Variants in LPIN2 observed in about 807,000 individuals in gnomAD.
LPIN2 encodes lipin 2.
A neutral mutation model predicts 111.4 loss-of-function variants in LPIN2; 55 were observed. The observed-to-expected ratio is 0.49, with a 90% CI of 0.40 to 0.62. The LOEUF is 0.62. Among genes scored for constraint, LPIN2 ranks in the 20% least tolerant of loss-of-function variants. LPIN2 has a pLI of 0.00. For missense variants in LPIN2, 992 were observed against 1,112.1 expected, an observed-to-expected ratio of 0.89 and a Z score of 1.54; for synonymous variants, 425 against 414.0, an observed-to-expected ratio of 1.03 and a Z score of -0.32.
At chr18:2,957,919 G>A (rs1456411449) in intron 2 of LPIN2, among the ~76,000 whole-genome samples, 1 of 151,868 alleles carries the variant, frequency 6.6e-6, no homozygotes, top group Non-Finnish European at 1.5e-5. Flanking sequence ...GGGAGGCCAA[G>A]GCGGGTGGAT....
intron 1 of LPIN2, among the ~76,000 whole-genome samples, chr18:2,972,565 A>G (rs896240628): frequency 2.6e-5 from 4 of 152,244 alleles, no homozygotes; most frequent in Non-Finnish European, 5.9e-5. Context: ...GTACCAGAAC[A>G]TTAATTTTCT....
At chr18:2,949,870 G>A (rs755973020) in intron 4 of LPIN2, among the ~76,000 whole-genome samples, 7 of 152,178 alleles carry the variant, frequency 4.6e-5, no homozygotes, top group Middle Eastern at 3.4e-3. Context: ...AGGCTGAGGC[G>A]GGAGAGTTGC....
intron 2 of LPIN2, among the ~76,000 whole-genome samples, chr18:2,956,313 T>G (rs200627665): frequency 5.9e-5 from 2 of 33,892 alleles, no homozygotes; most frequent in Non-Finnish European, 1.1e-4. Context: ...GATGCAGGGG[T>G]GTGTGTGTGT....
chr18:3,009,288 A>T (rs2078564970), intron 1 of LPIN2, among the ~76,000 whole-genome samples: 2 of 151,452 alleles, frequency 1.3e-5, no homozygotes, highest in Admixed American at 1.3e-4. Flanking sequence ...AGTCCCAGCT[A>T]CTCAGGAGGC....
chr18:2,990,801 A>C, intron 1 of LPIN2: 1 of 392,196 alleles, frequency 2.5e-6, no homozygotes, highest in Non-Finnish European at 5.1e-6. Flanking sequence ...TAAGGGTTGC[A>C]CTTCAACAAG....
Position 2,925,415 on chromosome 18 carries a change from T to C in LPIN2, c.1794-47A>G, listed in dbSNP as rs977036192. On this transcript the variant is annotated intron_variant, in intron 13 of 19. Transcript: ENST00000677752. The surrounding 1 kb of genome is among the most constrained non-coding windows in gnomAD (Gnocchi z 4.1). ...ACGGAAGAGGCAGCAGGGCATTTTA[T>C]TGATGAGAGCTTTTCATTTAGGATC... is the stretch of plus-strand genomic sequence containing the variant. 6.2e-7 allele frequency: 1 copy of C among 1,612,614 alleles called. No homozygotes were observed. The highest frequency in any genetic ancestry group is 8.5e-7 in the Non-Finnish European group (1 of 1,179,068).
chr18:2,952,797 T>C (rs778257330), intron 3 of LPIN2, among the ~76,000 whole-genome samples: 1 of 152,222 alleles, frequency 6.6e-6, no homozygotes, highest in African/African-American at 2.4e-5. Context: ...GAAGATAACC[T>C]GAACGCCTAC....
intron 1 of LPIN2, chr18:2,972,279 A>G (rs2077931469): frequency 1.3e-5 from 2 of 152,214 alleles, no homozygotes; most frequent in Admixed American, 6.5e-5. Flanking sequence ...ATGACAGCCA[A>G]GTAGATCATT....
intron 1 of LPIN2, among the ~76,000 whole-genome samples, chr18:2,975,347 T>G (rs900055432): frequency 4.6e-5 from 7 of 152,226 alleles, no homozygotes; most frequent in Admixed American, 3.9e-4. Context: ...TTAAGCCTTT[T>G]TTTTGAGATG....
At chr18:2,983,317 T>C (rs896003204) in intron 1 of LPIN2, among the ~76,000 whole-genome samples, 2 of 152,160 alleles carry the variant, frequency 1.3e-5, no homozygotes, top group African/African-American at 4.8e-5. Flanking sequence ...ACCCAAGGTA[T>C]TTTCACAATT....
chr18:2,967,388 T>C (rs2077823186), intron 1 of LPIN2, among the ~76,000 whole-genome samples: 1 of 152,070 alleles, frequency 6.6e-6, no homozygotes, highest in Non-Finnish European at 1.5e-5. Context: ...AATATGAATC[T>C]GGGGGGGATT....
intron 16 of LPIN2, among the ~76,000 whole-genome samples, chr18:2,922,694 G>A (rs536625777): frequency 5.8e-4 from 89 of 152,222 alleles, no homozygotes; most frequent in Non-Finnish European, 7.9e-4. Context: ...CATGGAAAAC[G>A]TGGGAAAAAA....
At chr18:3,007,985 T>C (rs1279856315) in intron 1 of LPIN2, among the ~76,000 whole-genome samples, 1 of 152,244 alleles carries the variant, frequency 6.6e-6, no homozygotes, top group East Asian at 1.9e-4. Flanking sequence ...CATAATGCAC[T>C]GAATAGATGA....
intron 12 of LPIN2, among the ~76,000 whole-genome samples, chr18:2,927,120 C>G (rs1394517536): frequency 6.6e-6 from 1 of 152,204 alleles, no homozygotes; most frequent in East Asian, 1.9e-4. Flanking sequence ...CTGGGAGTAA[C>G]TCACCACGTG....
chr18:2,967,690 C>T (rs1219940927), intron 1 of LPIN2: 1 of 152,244 alleles, frequency 6.6e-6, no homozygotes, highest in Non-Finnish European at 1.5e-5. Context: ...AGCAGGGCCA[C>T]AGACTCCCGA....
intron 1 of LPIN2, among the ~76,000 whole-genome samples, chr18:3,009,514 C>A (rs1221549179): frequency 6.6e-6 from 1 of 152,022 alleles, no homozygotes; most frequent in African/African-American, 2.4e-5. Flanking sequence ...TCTCGGCTCA[C>A]TGCAACTTCT....
chr18:2,986,341 T>C (rs1402211242), intron 1 of LPIN2, among the ~76,000 whole-genome samples: 1 of 152,174 alleles, frequency 6.6e-6, no homozygotes, highest in Non-Finnish European at 1.5e-5. Context: ...AGCTAGTGGC[T>C]GGCAATTTCA....
chr18:2,931,520 G>A (rs750964549), intron 8 of LPIN2, 77 bp from the exon 9 acceptor site: 77 of 1,423,850 alleles, frequency 5.4e-5, no homozygotes, highest in Non-Finnish European at 7.0e-5. Flanking sequence ...GGTTCTCTGG[G>A]GGCTCAAACC....
intron 10 of LPIN2, 128 bp downstream of exon 10, chr18:2,928,937 C>A: frequency 1.4e-6 from 1 of 715,596 alleles, no homozygotes. Context: ...AAAGTCATTG[C>A]CCACTGGCTA....
Sources: gnomAD v4.1 joint callset for allele counts (sites outside exome capture counted in the v4.1 genomes callset) on GRCh38, gnomAD v4.1.1 for gene constraint, Gnocchi (gnomAD v3.1) non-coding constraint, MANE v1.5 for transcripts, NCBI Gene and HGNC (gene_info 2026-07-23, HGNC 2026-07-21) for gene names.